Variants in UBE2R2 observed in about 807,000 individuals in gnomAD.
UBE2R2 encodes the protein ubiquitin conjugating enzyme E2 R2.
A neutral mutation model predicts 27.8 loss-of-function variants in UBE2R2; 1 was observed. The observed-to-expected ratio is 0.04, with a 90% CI of 0.01 to 0.17. The LOEUF is 0.17. UBE2R2 is among the 10% of genes least tolerant of loss of function. The pLI, the probability that UBE2R2 is intolerant of heterozygous loss-of-function variation, is 1.00. For missense variants in UBE2R2, 100 were observed against 291.0 expected, an observed-to-expected ratio of 0.34 and a Z score of 4.78; for synonymous variants, 106 against 113.3, an observed-to-expected ratio of 0.94 and a Z score of 0.41.
chr9:33,884,273 T>C lies in UBE2R2; in HGVS notation c.178-2608T>C, dbSNP rs143280728. 5.2e-4 allele frequency among the ~76,000 whole-genome samples: 63 copies of C among 122,072 alleles called. No individual in the cohort carries two copies. The East Asian group carries it at 0.018, about 34-fold the overall frequency. The allele number at this position is 122,072 out of a possible 152,430, so 80.1% of individuals were successfully genotyped here. On this transcript the variant is annotated intron_variant, in intron 1 of 4. Coordinates refer to ENST00000263228, the MANE Select transcript of UBE2R2 (RefSeq NM_017811.4). ...CCCCCTCCTACCCCCAACCCCTTTA[T>C]TTTTTCTTTTTCTTTCTTTTTTTTT... is the stretch of plus-strand genomic sequence containing the variant.
chr9:33,899,698 G>C (rs1258969692), intron 2 of UBE2R2, among the ~76,000 whole-genome samples: 3 of 151,394 alleles, frequency 2.0e-5, no homozygotes, highest in African/African-American at 4.9e-5. Context: ...GGTAGAGATG[G>C]GGTTTCGCCA....
intron 1 of UBE2R2, among the ~76,000 whole-genome samples, chr9:33,818,281 C>G (rs922068278): frequency 6.6e-6 from 1 of 150,956 alleles, no homozygotes; most frequent in African/African-American, 2.4e-5. Flanking sequence ...TTTTCGTTCT[C>G]CGGTCGGAAC....
intron 1 of UBE2R2, among the ~76,000 whole-genome samples, chr9:33,859,799 T>TGTGA (rs766779268): frequency 0.012 from 1,081 of 86,516 alleles, 12 homozygotes; most frequent in East Asian, 0.039. Flanking sequence ...TGTGTGTGTG[T>TGTGA]GAGAGAGAGA....
At chr9:33,835,939 G>A (rs760334789) in intron 1 of UBE2R2, among the ~76,000 whole-genome samples, 7 of 152,196 alleles carry the variant, frequency 4.6e-5, no homozygotes, top group African/African-American at 1.4e-4. Context: ...CAGCTGTATA[G>A]TGTGATTTCG....
chr9:33,835,429 G>C (rs1459806269), intron 1 of UBE2R2, among the ~76,000 whole-genome samples: 3 of 152,074 alleles, frequency 2.0e-5, no homozygotes, highest in East Asian at 3.8e-4. Context: ...TTATAGGCTT[G>C]AGCCACTGAG....
Position 33,817,327 on chromosome 9 carries a change from C to T in UBE2R2, c.-431C>T, listed in dbSNP as rs942865611. Among the ~76,000 whole-genome samples, 12 of 150,212 alleles carry T rather than the reference C, an allele frequency of 8.0e-5. No individual in the cohort carries two copies. The highest frequency in any genetic ancestry group is 1.0e-4 in the Non-Finnish European group (7 of 67,202). Reference sequence around the variant, plus strand: ...CGCGCCCTCCGGCCCCTGCGGCCCCCGAAGAGAACGAGAGGGCGAGCGAGC... The same window carrying T: ...CGCGCCCTCCGGCCCCTGCGGCCCCTGAAGAGAACGAGAGGGCGAGCGAGC... On this transcript the variant is annotated 5_prime_UTR_variant, in exon 1 of 5. Coordinates refer to ENST00000263228, the MANE Select transcript of UBE2R2 (RefSeq NM_017811.4).
chr9:33,866,716 C>T (rs917390649), intron 1 of UBE2R2, among the ~76,000 whole-genome samples: 1 of 152,180 alleles, frequency 6.6e-6, no homozygotes, highest in African/African-American at 2.4e-5. Flanking sequence ...GAACCATCTT[C>T]CCATCTCCCA....
rs958202233 is a variant in UBE2R2, at chr9:33,919,956, T to TATCA, written c.*2724_*2727dup. The TATCA allele has an allele frequency of 2.0e-5, 3 of 152,230 alleles. No homozygotes were observed. The highest frequency in any genetic ancestry group is 4.8e-5 in the African/African-American group (2 of 41,460). The allele number at this position is 152,230 out of a possible 1,614,324, so 9.4% of individuals were successfully genotyped here. On this transcript the variant is annotated 3_prime_UTR_variant, in exon 5 of 5. Transcript: ENST00000263228. Reference sequence around the variant, plus strand: ...TTTCAGTCTTCCCCCCTTCTCCTTTTATCAATCATTCCAGAGTTATTTTCT... The same window carrying TATCA: ...TTTCAGTCTTCCCCCCTTCTCCTTTTATCAATCAATCATTCCAGAGTTATTTTCT...
At chr9:33,908,135 C>T (rs992726343) in intron 3 of UBE2R2, among the ~76,000 whole-genome samples, 1 of 152,080 alleles carries the variant, frequency 6.6e-6, no homozygotes, top group East Asian at 1.9e-4. Context: ...TGAAATAGTT[C>T]TTAAATTCAA....
At chr9:33,820,104 C>T (rs1825950351) in intron 1 of UBE2R2, among the ~76,000 whole-genome samples, 1 of 152,002 alleles carries the variant, frequency 6.6e-6, no homozygotes, top group South Asian at 2.1e-4. Flanking sequence ...AAAACAAGAG[C>T]AAACAAAACA....
chr9:33,866,862 G>T (rs1029915481), intron 1 of UBE2R2, among the ~76,000 whole-genome samples: 2 of 152,108 alleles, frequency 1.3e-5, no homozygotes, highest in African/African-American at 4.8e-5. Context: ...GATTGTGTAT[G>T]TGAATCCACA....
At chr9:33,876,742 C>T (rs1316234999) in intron 1 of UBE2R2, among the ~76,000 whole-genome samples, 3 of 152,022 alleles carry the variant, frequency 2.0e-5, no homozygotes, top group Non-Finnish European at 2.9e-5. Flanking sequence ...GGTGAAACCC[C>T]GTCTCTACTA....
At chr9:33,847,853 T>C (rs186333436) in intron 1 of UBE2R2, among the ~76,000 whole-genome samples, 17 of 150,540 alleles carry the variant, frequency 1.1e-4, no homozygotes. Flanking sequence ...CTGTGTTTAA[T>C]CCATTCTGCT....
intron 1 of UBE2R2, among the ~76,000 whole-genome samples, chr9:33,860,257 G>A (rs1280065162): frequency 6.6e-6 from 1 of 152,046 alleles, no homozygotes; most frequent in East Asian, 1.9e-4. Flanking sequence ...TTAGCCTTTT[G>A]TGTAAGTTTA....
At chr9:33,816,712 A>G (rs1457828817), upstream of UBE2R2, among the ~76,000 whole-genome samples, 1 of 152,188 alleles carries the variant, frequency 6.6e-6, no homozygotes, top group Non-Finnish European at 1.5e-5. Flanking sequence ...GAGGGACCGC[A>G]GACTGGGTGT....
chr9:33,859,791 TGTGTGTGTGAGAGA>T (rs897814161), intron 1 of UBE2R2, among the ~76,000 whole-genome samples: 14 of 109,978 alleles, frequency 1.3e-4, no homozygotes, highest in African/African-American at 4.2e-4. Flanking sequence ...TGTGTGTGTG[TGTGTGTGTGAGAGA>T]GAGAGAGAGA....
intron 1 of UBE2R2, among the ~76,000 whole-genome samples, chr9:33,834,294 G>C (rs1442869875): frequency 6.7e-6 from 1 of 149,994 alleles, no homozygotes; most frequent in Non-Finnish European, 1.5e-5. Flanking sequence ...TCCGTCTCCC[G>C]GGTTCAAGTG....
intron 2 of UBE2R2, among the ~76,000 whole-genome samples, chr9:33,898,905 A>G (rs952740467): frequency 6.6e-6 from 1 of 152,258 alleles, no homozygotes; most frequent in Non-Finnish European, 1.5e-5. Flanking sequence ...TGGGCAATCC[A>G]TATGTGTATG....
chr9:33,850,515 T>C (rs905238686), intron 1 of UBE2R2, among the ~76,000 whole-genome samples: 3 of 152,116 alleles, frequency 2.0e-5, no homozygotes, highest in Admixed American at 1.3e-4. Flanking sequence ...TTTGATGCCC[T>C]CTGCAATACC....
Sources: allele counts gnomAD v4.1 joint callset (sites outside exome capture counted in the v4.1 genomes callset), GRCh38; gene constraint gnomAD v4.1.1; transcripts MANE v1.5; gene names NCBI Gene and HGNC (gene_info 2026-07-23, HGNC 2026-07-21).